MAST2: variants seen among roughly 807,000 people sequenced by gnomAD.
MAST2 encodes the protein microtubule-associated serine/threonine-protein kinase 2.
MAST2 carries 70 observed loss-of-function variants against 147.4 expected under a neutral mutation model. The observed-to-expected ratio is 0.47, with a 90% CI of 0.39 to 0.58. The LOEUF is 0.58. MAST2 is among the 20% of genes least tolerant of loss of function. The pLI is 0.00. For missense variants in MAST2, 2,080 were observed against 2,302.3 expected (o/e 0.90, Z 1.98); for synonymous variants, 869 against 896.8 (o/e 0.97, Z 0.55).
intron 3 of MAST2, among the ~76,000 whole-genome samples, chr1:45,850,695 T>C (rs764776301): frequency 6.6e-6 from 1 of 151,412 alleles, no homozygotes; most frequent in African/African-American, 2.4e-5. Context: ...CCCAGCACTA[T>C]TTATTGAATA....
At chr1:45,956,873 A>G (rs772637980) in intron 4 of MAST2, among the ~76,000 whole-genome samples, 1 of 152,214 alleles carries the variant, frequency 6.6e-6, no homozygotes, top group African/African-American at 2.4e-5. Context: ...CTTGGCATAC[A>G]TACCCAAAAC....
rs770787409 is a variant in MAST2, at chr1:46,030,592, C to A, written c.2554-15C>A. 1 of 1,593,660 alleles carries A rather than the reference C, an allele frequency of 6.3e-7. No homozygotes were observed. On this transcript the variant is annotated splice_polypyrimidine_tract_variant and intron_variant, in intron 21 of 28. Transcript: ENST00000361297. Reference sequence around the variant, plus strand: ...CTGCCAGAGCCCATCCCCAGCGCATCCCCTGTGCCCACAGGTGTACAGCAG... The same window carrying A: ...CTGCCAGAGCCCATCCCCAGCGCATACCCTGTGCCCACAGGTGTACAGCAG...
chr1:45,939,980 G>GTTTTTTTTTTTTTTTTT (rs1174123217), intron 4 of MAST2, among the ~76,000 whole-genome samples: 1 of 97,286 alleles, frequency 1.0e-5, no homozygotes, highest in East Asian at 3.6e-4. Flanking sequence ...TTTATTTAGG[G>GTTTTTTTTTTTTTTTTT]TTTTTTTTTT....
At chr1:45,870,844 G>T (rs969538115) in intron 3 of MAST2, among the ~76,000 whole-genome samples, 1 of 151,890 alleles carries the variant, frequency 6.6e-6, no homozygotes, top group Admixed American at 6.6e-5. Flanking sequence ...TGGGAGGATC[G>T]TTTGAGCCTA....
Position 45,848,335 on chromosome 1 carries a change from A to ACTCTGTG in MAST2, c.468+18754_468+18755insCTCTGTG, listed in dbSNP as rs1274423735. On this transcript the variant is annotated intron_variant, in intron 3 of 28. Coordinates refer to ENST00000361297, the MANE Select transcript of MAST2 (RefSeq NM_015112.3). ...GAATGATAAGAGTGACTTACTGTGC[A>ACTCTGTG]AACAATGTGATTTATGCTGAACATT... 6.0e-3 allele frequency among the ~76,000 whole-genome samples: 916 copies of ACTCTGTG among 152,354 alleles called. 9 individuals are homozygous for ACTCTGTG. Among genetic ancestry groups the ACTCTGTG allele is most frequent in the African/African-American group, 0.021 (880 of 41,584 alleles).
At chr1:46,007,492 C>T (rs746574299) in intron 8 of MAST2, among the ~76,000 whole-genome samples, 23 of 152,142 alleles carry the variant, frequency 1.5e-4, no homozygotes, top group Non-Finnish European at 1.9e-4. Flanking sequence ...TCAGAGAAAT[C>T]CATGCTATAT....
chr1:46,010,669 G>A, intron 9 of MAST2, 61 bp from the exon 10 acceptor site: 1 of 1,492,182 alleles, frequency 6.7e-7, no homozygotes, highest in African/African-American at 1.4e-5. Context: ...GGTCCTTCAG[G>A]CTTAGCTCCA....
At chr1:45,811,528 A>G (rs1644299909) in intron 1 of MAST2, among the ~76,000 whole-genome samples, 1 of 148,944 alleles carries the variant, frequency 6.7e-6, no homozygotes, top group African/African-American at 2.5e-5. Context: ...TTTAGTAGAG[A>G]CGGGGTTTCA....
intron 4 of MAST2, among the ~76,000 whole-genome samples, chr1:45,939,543 G>GT (rs959689396): frequency 3.1e-5 from 4 of 127,164 alleles, no homozygotes; most frequent in Admixed American, 1.6e-4. Flanking sequence ...ATTTTTTTTT[G>GT]GGGGGGTGGG....
At chr1:45,854,804 C>A (rs114667646) in intron 3 of MAST2, among the ~76,000 whole-genome samples, 1 of 152,274 alleles carries the variant, frequency 6.6e-6, no homozygotes, top group African/African-American at 2.4e-5. Context: ...AGCATCAGAT[C>A]CCATAGGCTA....
chr1:45,937,104 A>G (rs1453215353), intron 4 of MAST2, among the ~76,000 whole-genome samples: 4 of 105,788 alleles, frequency 3.8e-5, no homozygotes, highest in South Asian at 3.0e-4. Flanking sequence ...TTGTTTGTTT[A>G]TTTATTTTCT....
Position 46,028,905 on chromosome 1 carries a change from G to C in MAST2, c.2190G>C (p.Pro730=). ...VGCVPFFGDT[P]EELFGQVISD... is the part of the protein sequence containing the mutation. ...GCGTCCCTTTTTTTGGAGATACTCC[G>C]GAGGAGCTCTTTGGGCAGGTGATCA... is the stretch of plus-strand genomic sequence containing the variant. Residue 730 remains proline (P), a synonymous_variant, in exon 18 of 29, where the codon CCG becomes CCC. Coordinates refer to ENST00000361297, the MANE Select transcript of MAST2 (RefSeq NM_015112.3). 6.2e-7 allele frequency: 1 copy of C among 1,606,000 alleles called. No individual in the cohort carries two copies. The highest frequency in any genetic ancestry group is 1.7e-5 in the Admixed American group (1 of 58,742).
intron 4 of MAST2, among the ~76,000 whole-genome samples, chr1:45,947,354 A>G (rs1158336086): frequency 6.6e-6 from 1 of 151,778 alleles, no homozygotes; most frequent in East Asian, 1.9e-4. Context: ...ATAATGTTTT[A>G]AGAAAATTTC....
intron 3 of MAST2, among the ~76,000 whole-genome samples, chr1:45,834,554 T>C (rs1645048663): frequency 6.6e-6 from 1 of 152,162 alleles, no homozygotes; most frequent in Non-Finnish European, 1.5e-5. Flanking sequence ...ATTTATTATA[T>C]GTTCTTAGGG....
intron 3 of MAST2, among the ~76,000 whole-genome samples, chr1:45,859,571 A>G (rs562395020): frequency 5.6e-4 from 86 of 152,302 alleles, no homozygotes; most frequent in African/African-American, 1.8e-3. Flanking sequence ...AGAGGGAGAA[A>G]ATCAAGATGA....
chr1:46,013,784 T>C (rs1366384853), intron 10 of MAST2, among the ~76,000 whole-genome samples: 1 of 152,084 alleles, frequency 6.6e-6, no homozygotes, highest in Non-Finnish European at 1.5e-5. Flanking sequence ...AGCATGACAG[T>C]ACCATGTGGT....
rs60013733 is a variant in MAST2, at chr1:46,004,361, C to CA, written c.747+1500dup. On this transcript the variant is annotated intron_variant, in intron 7 of 28. Coordinates refer to ENST00000361297, the MANE Select transcript of MAST2 (RefSeq NM_015112.3). ...CCTGGGTGACAGAGCAAGACTATCT[C>CA]AAAAAAAAAAAAAAAAAAAAAATCC... Among the ~76,000 whole-genome samples the CA allele has an allele frequency of 6.2e-3, 707 of 113,244 alleles. 4 individuals carry two copies. The highest frequency in any genetic ancestry group is 0.017 in the East Asian group (68 of 3,930). 74.3% of individuals were successfully genotyped at this position (113,244 alleles called of 152,430 possible).
intron 4 of MAST2, among the ~76,000 whole-genome samples, chr1:45,917,818 A>G (rs1179825233): frequency 6.6e-6 from 1 of 152,234 alleles, no homozygotes; most frequent in African/African-American, 2.4e-5. Flanking sequence ...ATAGCATGGC[A>G]GAGTGCTAGA....
intron 3 of MAST2, among the ~76,000 whole-genome samples, chr1:45,880,565 A>T (rs559902395): frequency 4.3e-4 from 65 of 152,326 alleles, no homozygotes; most frequent in Non-Finnish European, 8.5e-4. Context: ...TGTACAGTTG[A>T]ATGTTTGTAA....
Sources: allele counts gnomAD v4.1 joint callset (sites outside exome capture counted in the v4.1 genomes callset), GRCh38; gene constraint gnomAD v4.1.1; transcripts MANE v1.5; gene names NCBI Gene and HGNC (gene_info 2026-07-23, HGNC 2026-07-21).